The following AUTS2 variants were observed in gnomAD, a reference collection of about 807,000 sequenced individuals.
The protein encoded by AUTS2 is activator of transcription and developmental regulator AUTS2, also known as autism susceptibility gene 2 protein.
AUTS2 carries 17 observed loss-of-function variants against 112.4 expected under a neutral mutation model. That is an observed-to-expected ratio of 0.15 (90% CI 0.10 to 0.23). The LOEUF (loss-of-function observed/expected upper bound fraction) is 0.23. Ranked by LOEUF, AUTS2 falls within the 10% of genes least tolerant of loss-of-function variation. The pLI, the probability that AUTS2 is intolerant of heterozygous loss-of-function variation, is 1.00. For missense variants in AUTS2, 1,510 were observed against 1,701.6 expected (o/e 0.89, Z 1.98); for synonymous variants, 751 against 702.7 (o/e 1.07, Z -1.09).
intron 1 of AUTS2, among the ~76,000 whole-genome samples, chr7:69,815,605 C>T (rs1057085808): frequency 1.3e-5 from 2 of 152,146 alleles, no homozygotes. Flanking sequence ...ACCTCCGCCT[C>T]CCAGGTTCAA....
intron 4 of AUTS2, among the ~76,000 whole-genome samples, chr7:70,419,699 A>G (rs1795134387): frequency 6.6e-6 from 1 of 152,178 alleles, no homozygotes; most frequent in South Asian, 2.1e-4. Context: ...CAAATTGCAA[A>G]ATTATTTTCC....
chr7:70,663,069 A>T (rs1807153527), intron 5 of AUTS2, among the ~76,000 whole-genome samples: 1 of 152,232 alleles, frequency 6.6e-6, no homozygotes, highest in African/African-American at 2.4e-5. Context: ...TTTACAGAGT[A>T]ACTGAGGTTC....
chr7:69,697,536 C>T (rs1407361428), intron 1 of AUTS2, among the ~76,000 whole-genome samples: 1 of 152,146 alleles, frequency 6.6e-6, no homozygotes, highest in Non-Finnish European at 1.5e-5. Context: ...GCAGTCTGAG[C>T]TTTTTCTCAG....
rs1303642649 is a variant in AUTS2 at position 70,573,275 on chromosome 7, C to T, written c.691-125294C>T. 2.0e-5 allele frequency among the ~76,000 whole-genome samples: 3 copies of T among 152,300 alleles called. No homozygotes were observed. In the East Asian group the frequency reaches 5.8e-4, roughly 29 times the overall value. Reference sequence around the variant, plus strand: ...TGGTCCCCGGAGGTGGCCACAGACGCAGTGGATTTAATGAGCTGGGAACGT... The same window carrying T: ...TGGTCCCCGGAGGTGGCCACAGACGTAGTGGATTTAATGAGCTGGGAACGT... On this transcript the variant is annotated intron_variant, in intron 5 of 18. Transcript: ENST00000342771.
chr7:70,393,120 G>C (rs1269223358), intron 4 of AUTS2, among the ~76,000 whole-genome samples: 2 of 152,172 alleles, frequency 1.3e-5, no homozygotes, highest in African/African-American at 4.8e-5. Flanking sequence ...GCTCAGAGGG[G>C]CTCCTCTGTC....
intron 4 of AUTS2, among the ~76,000 whole-genome samples, chr7:70,281,007 C>T (rs1301897335): frequency 2.0e-5 from 3 of 151,992 alleles, no homozygotes; most frequent in African/African-American, 7.3e-5. Flanking sequence ...TATCCACGTT[C>T]TTATTTTTTT....
intron 1 of AUTS2, among the ~76,000 whole-genome samples, chr7:69,815,225 G>A (rs1790706212): frequency 6.6e-6 from 1 of 152,154 alleles, no homozygotes; most frequent in Non-Finnish European, 1.5e-5. Flanking sequence ...GGGAATGGGT[G>A]TATTTCCCTT....
chr7:70,700,226 C>A (rs1204333331), intron 6 of AUTS2, among the ~76,000 whole-genome samples: 1 of 152,074 alleles, frequency 6.6e-6, no homozygotes, highest in Non-Finnish European at 1.5e-5. Context: ...TGATTTGTGG[C>A]ATCTATTTGG....
At chr7:69,989,546 G>A (rs1350887358) in intron 2 of AUTS2, among the ~76,000 whole-genome samples, 1 of 151,974 alleles carries the variant, frequency 6.6e-6, no homozygotes, top group African/African-American at 2.4e-5. Context: ...GAGGAGGAAT[G>A]TTGTGAGCAG....
chr7:70,000,700 A>T (rs1251469691), intron 2 of AUTS2, among the ~76,000 whole-genome samples: 2 of 152,162 alleles, frequency 1.3e-5, no homozygotes, highest in African/African-American at 4.8e-5. Flanking sequence ...AAAAACAGAG[A>T]TCAAAATAAT....
At chr7:69,999,512 A>G (rs1799092192) in intron 2 of AUTS2, among the ~76,000 whole-genome samples, 2 of 152,226 alleles carry the variant, frequency 1.3e-5, no homozygotes, top group African/African-American at 4.8e-5. Context: ...ATTTAAGAGC[A>G]CAGAATGTTG....
At chr7:70,089,107 G>T (rs534289627) in intron 2 of AUTS2, among the ~76,000 whole-genome samples, 3 of 152,094 alleles carry the variant, frequency 2.0e-5, no homozygotes, top group African/African-American at 7.2e-5. Flanking sequence ...TGTCAATTAT[G>T]CATAATAGTA....
At chr7:70,454,681 A>G (rs1294858834) in intron 5 of AUTS2, among the ~76,000 whole-genome samples, 2 of 152,192 alleles carry the variant, frequency 1.3e-5, no homozygotes, top group African/African-American at 4.8e-5. Flanking sequence ...GCTCAGTCAC[A>G]CTGATAAACC....
chr7:69,921,327 G>GTTTTTTTTTTTTTTTTTTTTTTTTTT (rs11289784), intron 2 of AUTS2, among the ~76,000 whole-genome samples: 2 of 90,404 alleles, frequency 2.2e-5, no homozygotes, highest in Non-Finnish European at 2.2e-5. Flanking sequence ...TAGACTTGAA[G>GTTTTTTTTTTTTTTTTTTTTTTTTTT]TTTTTTTTTT....
intron 5 of AUTS2, among the ~76,000 whole-genome samples, chr7:70,661,244 G>A (rs541205789): frequency 2.0e-5 from 3 of 152,156 alleles, no homozygotes; most frequent in Admixed American, 6.5e-5. Context: ...TCTCCCTGGC[G>A]GCGTCTGAGG....
intron 5 of AUTS2, among the ~76,000 whole-genome samples, chr7:70,510,514 G>C (rs1799139198): frequency 6.6e-6 from 1 of 152,148 alleles, no homozygotes; most frequent in South Asian, 2.1e-4. Context: ...ACCCTGTCAG[G>C]AGTTCTCCAA....
At chr7:69,625,659 G>A (rs1172457194) in intron 1 of AUTS2, among the ~76,000 whole-genome samples, 1 of 152,094 alleles carries the variant, frequency 6.6e-6, no homozygotes, top group Admixed American at 6.5e-5. Flanking sequence ...AGGGGTTTGA[G>A]ACCAGCCTGG....
chr7:70,360,380 C>G (rs189941789), intron 4 of AUTS2, among the ~76,000 whole-genome samples: 5 of 152,160 alleles, frequency 3.3e-5, no homozygotes, highest in African/African-American at 9.7e-5. Flanking sequence ...CTCCTGGCCT[C>G]AAGTGATCTG....
At chr7:70,068,230 T>C (rs549419134) in intron 2 of AUTS2, among the ~76,000 whole-genome samples, 79 of 149,548 alleles carry the variant, frequency 5.3e-4, no homozygotes, top group African/African-American at 1.8e-3. Flanking sequence ...CAGGCTGGAG[T>C]GCAGTGGCGC....
Sources: allele counts gnomAD v4.1 joint callset (sites outside exome capture counted in the v4.1 genomes callset), GRCh38; gene constraint gnomAD v4.1.1; transcripts MANE v1.5; gene names NCBI Gene and HGNC (gene_info 2026-07-23, HGNC 2026-07-21).